The following ESR2 variants were observed in gnomAD, a reference collection of about 807,000 sequenced individuals.
ESR2 encodes the protein estrogen receptor beta.
Under a neutral mutation model 49.6 loss-of-function variants are expected in ESR2, and 36 were observed. The observed-to-expected ratio is 0.73, with a 90% CI of 0.56 to 0.96. The LOEUF (loss-of-function observed/expected upper bound fraction) is 0.96. ESR2 is among the 40% of genes least tolerant of loss of function. The pLI is 0.00. For missense variants in ESR2, 714 were observed against 693.0 expected (o/e 1.03, Z -0.34); for synonymous variants, 320 against 266.1 (o/e 1.20, Z -1.97).
chr14:64,279,384 T>G (rs1279991436), intron 3 of ESR2, among the ~76,000 whole-genome samples: 1 of 150,918 alleles, frequency 6.6e-6, no homozygotes, highest in Non-Finnish European at 1.5e-5. Context: ...CATCAACAAG[T>G]TGATTTAAAA....
In ESR2 at chr14:64,231,644, A is replaced by C. The variant is rs927423233; in HGVS notation, c.*1493T>G. ...AATGCAGTCTTCCTAATGACTTAGT[A>C]AATACAGGATGTGCTACCCAAAGTG... On this transcript the variant is annotated 3_prime_UTR_variant, in exon 9 of 9. Coordinates refer to ENST00000341099, the MANE Select transcript of ESR2 (RefSeq NM_001437.3). 1.3e-5 allele frequency: 2 copies of C among 152,254 alleles called. No homozygotes were observed. Among genetic ancestry groups the C allele is most frequent in the African/African-American group, 4.8e-5 (2 of 41,472 alleles). 9.4% of individuals were successfully genotyped at this position (152,254 alleles called of 1,614,324 possible). A position where few individuals can be genotyped will look rare whatever the true frequency, so the allele number is the denominator to read the frequency against.
intron 1 of ESR2, among the ~76,000 whole-genome samples, chr14:64,323,820 T>C (rs2077356101): frequency 6.6e-6 from 1 of 152,012 alleles, no homozygotes; most frequent in Admixed American, 6.6e-5. Context: ...ACCTCCCAAG[T>C]AGTTGGGATT....
chr14:64,297,649 C>G (rs988444324), upstream of ESR2: 2 of 152,130 alleles, frequency 1.3e-5, no homozygotes, highest in African/African-American at 4.8e-5. Context: ...TTTGCTGAAG[C>G]CTTTGACTTG....
intron 1 of ESR2, among the ~76,000 whole-genome samples, chr14:64,335,657 A>G (rs1315935032): frequency 6.6e-6 from 1 of 152,144 alleles, no homozygotes; most frequent in Non-Finnish European, 1.5e-5. Context: ...GCTTCAACAT[A>G]TGAAAGTTCA....
At position 64,280,068 on chromosome 14, in the gene ESR2, C is replaced by T. The variant is rs761435805; in HGVS notation, c.448G>A (p.Ala150Thr). 1.2e-5 allele frequency: 19 copies of T among 1,614,086 alleles called. No homozygotes were observed. The highest frequency in any genetic ancestry group is 1.6e-5 in the Non-Finnish European group (19 of 1,179,924). Residue 150 changes from alanine (A) to threonine (T), a missense_variant, in exon 3 of 9, where the codon GCT (alanine) becomes ACT (threonine). Coordinates refer to ENST00000341099, the MANE Select transcript of ESR2 (RefSeq NM_001437.3). ...CCCGATGCGTAATCGCTGCAGACAG[C>T]GCAGAAGTGAGCATCCCTCTTTGAA... ...PGSKRDAHFC[A>T]VCSDYASGYH...
chr14:64,246,601 C>T lies in ESR2; in HGVS notation c.1225+2945G>A, dbSNP rs143194372. ...AATTAGCCAGGCATGGTGGCATGCA[C>T]CTGTAATCCCAGCTACTTGGGATGC... On this transcript the variant is annotated intron_variant, in intron 7 of 8. Transcript: ENST00000341099. 9.1e-3 allele frequency among the ~76,000 whole-genome samples: 1,388 copies of T among 151,778 alleles called. 28 individuals are homozygous for T. Among genetic ancestry groups the T allele is most frequent in the African/African-American group, 0.032 (1,326 of 41,306 alleles).
In ESR2 at chr14:64,260,214, G is replaced by A. The variant is rs193237123; in HGVS notation, c.952+235C>T. On this transcript the variant is annotated intron_variant, in intron 5 of 8. Coordinates refer to ENST00000341099, the MANE Select transcript of ESR2 (RefSeq NM_001437.3). ...CAACTCTTTCTGCACTACCATGTTGGGTACAGAACTCAGAAGAGTCTCAGA... is the reference window on the plus strand; with the variant it reads ...CAACTCTTTCTGCACTACCATGTTGAGTACAGAACTCAGAAGAGTCTCAGA... 1.3e-5 allele frequency: 10 copies of A among 744,312 alleles called. No homozygotes were observed. The East Asian group carries it at 2.5e-4, about 19-fold the overall frequency. 46.1% of individuals were successfully genotyped at this position (744,312 alleles called of 1,614,324 possible). A position where few individuals can be genotyped will look rare whatever the true frequency, so the allele number is the denominator to read the frequency against.
chr14:64,238,765 A>C (rs771692844), intron 7 of ESR2, among the ~76,000 whole-genome samples: 12 of 152,026 alleles, frequency 7.9e-5, no homozygotes, highest in Admixed American at 2.0e-4. Flanking sequence ...TAAAAAAAAA[A>C]AACAAAAAAA....
intron 1 of ESR2, among the ~76,000 whole-genome samples, chr14:64,290,884 CTAG>C (rs1264259786): frequency 6.6e-6 from 1 of 152,144 alleles, no homozygotes; most frequent in Non-Finnish European, 1.5e-5. Flanking sequence ...GCTAATTCTC[CTAG>C]TAACCAATTG....
chr14:64,244,440 A>C (rs1262966535), intron 7 of ESR2, among the ~76,000 whole-genome samples: 1 of 151,970 alleles, frequency 6.6e-6, no homozygotes, highest in East Asian at 1.9e-4. Context: ...TAAGTAAGGA[A>C]GATCTGCCCT....
rs186176362 is a variant in ESR2, at chr14:64,239,274, G to T, written c.1226-4124C>A. Among the ~76,000 whole-genome samples the T allele has an allele frequency of 1.3e-3, 192 of 152,180 alleles. 1 individual carries two copies. The Middle Eastern group carries it at 0.014, about 11-fold the overall frequency. ...TCTTGGTCAACAGAAAAGGACCCCC[G>T]CATCTTTCCTCATCAGCATCCATCT... On this transcript the variant is annotated intron_variant, in intron 7 of 8. Transcript: ENST00000341099.
At chr14:64,241,862 C>A (rs1215341078) in intron 7 of ESR2, among the ~76,000 whole-genome samples, 1 of 152,204 alleles carries the variant, frequency 6.6e-6, no homozygotes, top group African/African-American at 2.4e-5. Context: ...TCACTTCTAC[C>A]TTTCCAATAT....
intron 1 of ESR2, chr14:64,336,171 T>C (rs1445823771): frequency 2.0e-5 from 3 of 152,228 alleles, no homozygotes; most frequent in African/African-American, 4.8e-5. Context: ...TAAATATATA[T>C]GTGTACAAGC....
At chr14:64,292,931 C>T (rs2076895794) in intron 1 of ESR2, among the ~76,000 whole-genome samples, 1 of 152,180 alleles carries the variant, frequency 6.6e-6, no homozygotes, top group African/African-American at 2.4e-5. Flanking sequence ...TCAGAAACTT[C>T]TATGTCTTGA....
At chr14:64,316,772 G>A (rs1360894123) in intron 1 of ESR2, among the ~76,000 whole-genome samples, 1 of 152,056 alleles carries the variant, frequency 6.6e-6, no homozygotes, top group Non-Finnish European at 1.5e-5. Flanking sequence ...TCCCACGACT[G>A]CACTCCAGCC....
At chr14:64,308,854 T>G (rs1001602717) in intron 1 of ESR2, among the ~76,000 whole-genome samples, 1 of 152,084 alleles carries the variant, frequency 6.6e-6, no homozygotes, top group Non-Finnish European at 1.5e-5. Flanking sequence ...CATAGCTCAT[T>G]GTAACCTCAA....
At chr14:64,302,961 G>A (rs1293112824) in intron 1 of ESR2, among the ~76,000 whole-genome samples, 3 of 152,130 alleles carry the variant, frequency 2.0e-5, no homozygotes, top group African/African-American at 7.2e-5. Flanking sequence ...ACCACGCCCA[G>A]CTAATTTTTT....
At chr14:64,310,925 T>A (rs1358638486) in intron 1 of ESR2, among the ~76,000 whole-genome samples, 1 of 152,230 alleles carries the variant, frequency 6.6e-6, no homozygotes. Flanking sequence ...TATAGTATAT[T>A]CAAAATACTT....
intron 1 of ESR2, among the ~76,000 whole-genome samples, chr14:64,309,035 A>C (rs2077150575): frequency 6.6e-6 from 1 of 152,220 alleles, no homozygotes; most frequent in South Asian, 2.1e-4. Context: ...AAGAGGAATA[A>C]TACCTAGGCA....
Sources: allele counts gnomAD v4.1 joint callset (sites outside exome capture counted in the v4.1 genomes callset), GRCh38; gene constraint gnomAD v4.1.1; transcripts MANE v1.5; gene names NCBI Gene and HGNC (gene_info 2026-07-23, HGNC 2026-07-21).